AZIN1: variants seen among roughly 807,000 people sequenced by gnomAD.
The protein encoded by AZIN1 is antizyme inhibitor 1, also known as ornithine decarboxylase antizyme inhibitor.
In AZIN1, 12 loss-of-function variants were observed where a neutral mutation model predicts 47.4. The ratio of observed to expected loss-of-function variants is 0.25; its 90% CI spans 0.16 to 0.41. The LOEUF (loss-of-function observed/expected upper bound fraction) is 0.41, where lower values mean the gene tolerates loss of function less well. AZIN1 is among the 10% of genes least tolerant of loss of function. The probability of loss-of-function intolerance (pLI) is 1.00; values close to 1 mark genes in which losing one functional copy is unlikely to be tolerated. For missense variants in AZIN1, 410 were observed against 532.4 expected (o/e 0.77, Z 2.26); for synonymous variants, 155 against 176.3 (o/e 0.88, Z 0.96).
chr8:102,847,406 C>T (rs565810400), intron 2 of AZIN1, among the ~76,000 whole-genome samples: 1 of 150,800 alleles, frequency 6.6e-6, no homozygotes, highest in African/African-American at 2.4e-5. Flanking sequence ...TTCTTTGATG[C>T]TCTCTTGAAG....
intron 5 of AZIN1, among the ~76,000 whole-genome samples, chr8:102,837,493 C>A (rs2131216422): frequency 6.6e-6 from 1 of 152,224 alleles, no homozygotes; most frequent in African/African-American, 2.4e-5. Flanking sequence ...AGCTATGGCC[C>A]TAATTTGATA....
chr8:102,843,888 C>G (rs1812385072), intron 2 of AZIN1, 141 bp from the exon 3 acceptor site: 1 of 599,128 alleles, frequency 1.7e-6, no homozygotes, highest in South Asian at 3.0e-5. Flanking sequence ...TATTAATTTC[C>G]TTTAACGCCC....
intron 8 of AZIN1, 112 bp from the exon 9 acceptor site, chr8:102,833,330 A>C (rs556534723): frequency 1.0e-6 from 1 of 987,166 alleles, no homozygotes; most frequent in East Asian, 2.6e-5. Context: ...TTCCAATCAC[A>C]GATCATGAAC....
intron 2 of AZIN1, among the ~76,000 whole-genome samples, chr8:102,851,709 AAAAG>A (rs905614462): frequency 9.2e-5 from 14 of 152,196 alleles, no homozygotes; most frequent in African/African-American, 2.4e-4. Flanking sequence ...AAAACAAAAA[AAAAG>A]AAAGAAATAA....
At chr8:102,841,377 G>C (rs1440827771) in intron 3 of AZIN1, among the ~76,000 whole-genome samples, 1 of 152,170 alleles carries the variant, frequency 6.6e-6, no homozygotes, top group Non-Finnish European at 1.5e-5. Flanking sequence ...GCTACTAAAC[G>C]TGGGTTAATT....
At position 102,834,338 on chromosome 8, in the gene AZIN1, C is replaced by A. The variant is rs555551526; in HGVS notation, c.667-75G>T. The A allele has an allele frequency of 2.3e-4, 282 of 1,234,000 alleles. No individual in the cohort carries two copies. In the African/African-American group the frequency reaches 3.9e-3, roughly 17 times the overall value. The allele number at this position is 1,234,000 out of a possible 1,614,324, so 76.4% of individuals were successfully genotyped here. ...ATGAGAACATTTTAAAAACCCCCTC[C>A]TAGGGAGGTAAATATCTGTTCTGAT... On this transcript the variant is annotated intron_variant, in intron 7 of 11. Coordinates refer to ENST00000337198, the MANE Select transcript of AZIN1 (RefSeq NM_148174.4).
In AZIN1 at chr8:102,826,488, C is replaced by G. The variant is rs1811119137; in HGVS notation, c.*2079G>C. On this transcript the variant is annotated 3_prime_UTR_variant, in exon 12 of 12. Coordinates refer to ENST00000337198, the MANE Select transcript of AZIN1 (RefSeq NM_148174.4). ...TTGAACTGAGATTACAATATTATAA[C>G]AAAAAACTTTACATTAATTCAGAAC... The G allele has an allele frequency of 1.3e-5, 2 of 152,552 alleles. No homozygotes were observed. The highest frequency in any genetic ancestry group is 1.3e-4 in the Admixed American group (2 of 15,270). 9.4% of individuals were successfully genotyped at this position (152,552 alleles called of 1,614,324 possible).
In AZIN1 at chr8:102,846,883, C is replaced by T. The variant is rs144746060; in HGVS notation, c.-95-3136G>A. On this transcript the variant is annotated intron_variant, in intron 2 of 11. Coordinates refer to ENST00000337198, the MANE Select transcript of AZIN1 (RefSeq NM_148174.4). ...GCAACCACTGACCAGCTTCTTGTCACTATAAATTAAGACTTTTATAGAAGC... is the reference window on the plus strand; with the variant it reads ...GCAACCACTGACCAGCTTCTTGTCATTATAAATTAAGACTTTTATAGAAGC... 2.6e-5 allele frequency among the ~76,000 whole-genome samples: 4 copies of T among 152,236 alleles called. No individual in the cohort carries two copies. In the East Asian group the frequency reaches 7.7e-4, roughly 29 times the overall value.
chr8:102,853,280 G>A (rs181415515), intron 2 of AZIN1, among the ~76,000 whole-genome samples: 2 of 152,348 alleles, frequency 1.3e-5, no homozygotes, highest in East Asian at 1.9e-4. Flanking sequence ...CAAGGAAGGC[G>A]GATCATGGGG....
At chr8:102,834,285 T>G (rs200449495) in intron 7 of AZIN1, 22 bp from the exon 8 acceptor site, 8 of 1,589,140 alleles carry the variant, frequency 5.0e-6, no homozygotes, top group African/African-American at 2.7e-5. Context: ...AAAAAAAAAT[T>G]TAAATGTTTT....
intron 6 of AZIN1, among the ~76,000 whole-genome samples, 192 bp downstream of exon 6, chr8:102,836,064 A>T (rs1419530419): frequency 1.3e-5 from 2 of 152,216 alleles, no homozygotes; most frequent in Non-Finnish European, 2.9e-5. Flanking sequence ...GTCACAAAAC[A>T]GTATGAAAAG....
chr8:102,861,978 G>A (rs1213281581), intron 1 of AZIN1, among the ~76,000 whole-genome samples: 2 of 151,920 alleles, frequency 1.3e-5, no homozygotes, highest in Non-Finnish European at 2.9e-5. Context: ...GGAGGTTGCA[G>A]TAAGCCGAGA....
chr8:102,834,832 AT>A, intron 6 of AZIN1, 85 bp from the exon 7 acceptor site: 1 of 845,138 alleles, frequency 1.2e-6, no homozygotes. Context: ...CACTCATCAT[AT>A]TCATACCATT....
chr8:102,844,695 A>T (rs1299987259), intron 2 of AZIN1, among the ~76,000 whole-genome samples: 1 of 152,352 alleles, frequency 6.6e-6, no homozygotes, highest in Middle Eastern at 3.4e-3. Flanking sequence ...TGCTGGCTAG[A>T]ATAGAGCTAA....
At chr8:102,860,387 C>T (rs755558980) in intron 1 of AZIN1, among the ~76,000 whole-genome samples, 2 of 152,160 alleles carry the variant, frequency 1.3e-5, no homozygotes, top group African/African-American at 2.4e-5. Flanking sequence ...CTCAGCCTTC[C>T]GAGTAGCTCG....
At chr8:102,859,657 A>C (rs540775874) in intron 1 of AZIN1, among the ~76,000 whole-genome samples, 28 of 152,330 alleles carry the variant, frequency 1.8e-4, no homozygotes, top group African/African-American at 6.5e-4. Context: ...CAACACAGTG[A>C]AATCCCATCT....
At chr8:102,840,038 T>C (rs1400206814) in intron 3 of AZIN1, among the ~76,000 whole-genome samples, 4 of 152,230 alleles carry the variant, frequency 2.6e-5, no homozygotes, top group African/African-American at 9.6e-5. Context: ...TTGATTACTT[T>C]TGCTGTGCTA....
In AZIN1 at chr8:102,829,228, G is replaced by A. The variant is rs149838701; in HGVS notation, c.1235+44C>T. On this transcript the variant is annotated intron_variant, in intron 11 of 11. Coordinates refer to ENST00000337198, the MANE Select transcript of AZIN1 (RefSeq NM_148174.4). ...TAAAACTTATTAGCAAGTCTAAAAG[G>A]ACAGTTCAAATATCCCATCTGCCTT... The A allele has an allele frequency of 3.1e-4, 469 of 1,508,990 alleles. 3 individuals carry two copies. In the African/African-American group the frequency reaches 6.0e-3, roughly 19 times the overall value. The allele number at this position is 1,508,990 out of a possible 1,614,324, so 93.5% of individuals were successfully genotyped here.
intron 2 of AZIN1, among the ~76,000 whole-genome samples, chr8:102,848,498 C>CTTAA (rs2131256323): frequency 6.6e-6 from 1 of 152,312 alleles, no homozygotes; most frequent in Non-Finnish European, 1.5e-5. Flanking sequence ...CTCTGCCTCT[C>CTTAA]TTAAGTGCTG....
Sources: gnomAD v4.1 joint callset for allele counts (sites outside exome capture counted in the v4.1 genomes callset) on GRCh38, gnomAD v4.1.1 for gene constraint, MANE v1.5 for transcripts, NCBI Gene and HGNC (gene_info 2026-07-23, HGNC 2026-07-21) for gene names.